The following HIVEP1 variants were observed in gnomAD, a reference collection of about 807,000 sequenced individuals.
HIVEP1 encodes the protein zinc finger protein 40.
HIVEP1 carries 36 observed loss-of-function variants against 180.0 expected under a neutral mutation model. The observed-to-expected ratio is 0.20, with a 90% CI of 0.15 to 0.26. HIVEP1 has a LOEUF of 0.26. Among genes scored for constraint, HIVEP1 ranks in the 10% least tolerant of loss-of-function variants. The probability of loss-of-function intolerance (pLI) is 1.00; values close to 1 mark genes in which losing one functional copy is unlikely to be tolerated. For missense variants in HIVEP1, 3,143 were observed against 3,268.7 expected, an observed-to-expected ratio of 0.96 and a Z score of 0.94; for synonymous variants, 1,239 against 1,239.0, an observed-to-expected ratio of 1.00 and a Z score of 0.00.
chr6:12,168,742 A>G (rs1760827102), downstream of HIVEP1, among the ~76,000 whole-genome samples: 1 of 152,100 alleles, frequency 6.6e-6, no homozygotes, highest in Non-Finnish European at 1.5e-5. Flanking sequence ...TATTCAATAC[A>G]TTATACGAGA....
At chr6:12,056,857 A>G (rs1202071801) in intron 2 of HIVEP1, among the ~76,000 whole-genome samples, 3 of 151,460 alleles carry the variant, frequency 2.0e-5, no homozygotes, top group Non-Finnish European at 4.4e-5. Flanking sequence ...TTTTTTTTCA[A>G]ACAGAATCTT....
chr6:12,175,639 A>G, the HIVEP1 span, among the ~76,000 whole-genome samples: 4 of 152,214 alleles, frequency 2.6e-5, no homozygotes, highest in African/African-American at 9.6e-5. Flanking sequence ...CTATGTTTAA[A>G]ATGTTTCCTA....
At chr6:12,011,838 C>G (rs1281605034), upstream of HIVEP1, among the ~76,000 whole-genome samples, 4 of 147,280 alleles carry the variant, frequency 2.7e-5, no homozygotes, top group Non-Finnish European at 6.1e-5. Context: ...CCCCTCGCCC[C>G]GGCCTCAACC....
intron 2 of HIVEP1, among the ~76,000 whole-genome samples, chr6:12,049,363 A>C (rs1377362856): frequency 6.6e-6 from 1 of 152,186 alleles, no homozygotes; most frequent in African/African-American, 2.4e-5. Context: ...TGAGTGGGTC[A>C]GCACCTGGAG....
rs753483969 is a variant in HIVEP1, at chr6:12,135,759, C to T, written c.6386-32C>T. The T allele has an allele frequency of 3.5e-6, 5 of 1,410,160 alleles. No homozygotes were observed. In the Admixed American group the frequency reaches 6.8e-5, roughly 19 times the overall value. The allele number at this position is 1,410,160 out of a possible 1,614,324, so 87.4% of individuals were successfully genotyped here. On this transcript the variant is annotated intron_variant, in intron 6 of 8. Transcript: ENST00000379388. ...CAAATGCAATAGCAAAATCATACTACTTAAGCTTAGTAAACATTCTTTTCC... is the reference window on the plus strand; with the variant it reads ...CAAATGCAATAGCAAAATCATACTATTTAAGCTTAGTAAACATTCTTTTCC...
chr6:12,083,349 T>G (rs1031761633), intron 2 of HIVEP1, among the ~76,000 whole-genome samples: 1 of 152,212 alleles, frequency 6.6e-6, no homozygotes, highest in African/African-American at 2.4e-5. Flanking sequence ...TTGTTTTGTA[T>G]ATAGAATTCC....
rs761358448 is a variant in HIVEP1 at position 12,164,491 on chromosome 6, T to A, written c.*30T>A. ...TTTTATTTTTTATTTGCTTTTTTTTTATATAACACTTAAAGGTTTCTTTGA... is the reference window on the plus strand; with the variant it reads ...TTTTATTTTTTATTTGCTTTTTTTTAATATAACACTTAAAGGTTTCTTTGA... On this transcript the variant is annotated 3_prime_UTR_variant, in exon 9 of 9. Transcript: ENST00000379388. The A allele has an allele frequency of 1.1e-4, 166 of 1,503,596 alleles. No homozygotes were observed. The highest frequency in any genetic ancestry group is 1.4e-4 in the African/African-American group (10 of 71,186). The allele number at this position is 1,503,596 out of a possible 1,614,324, so 93.1% of individuals were successfully genotyped here.
intron 2 of HIVEP1, among the ~76,000 whole-genome samples, chr6:12,065,589 C>A (rs568268778): frequency 6.6e-6 from 1 of 152,116 alleles, no homozygotes; most frequent in Non-Finnish European, 1.5e-5. Context: ...CCCTGACGGG[C>A]TCTGTGAATT....
intron 2 of HIVEP1, among the ~76,000 whole-genome samples, chr6:12,053,833 C>T (rs1203901085): frequency 6.6e-6 from 1 of 152,228 alleles, no homozygotes; most frequent in Non-Finnish European, 1.5e-5. Context: ...TGGCTTTCAG[C>T]CCTTTTCCAG....
Position 12,085,880 on chromosome 6 carries a change from T to C in HIVEP1, c.41-3304T>C, listed in dbSNP as rs536098921. The stretch of plus-strand genomic sequence containing the variant: ...CCAGAAACCCTAAAAGAAAGATTAT[T>C]ATTTCTTAACGGCTCTAGGACTTTT... On this transcript the variant is annotated intron_variant, in intron 2 of 8. Transcript: ENST00000379388. Among the ~76,000 whole-genome samples the C allele has an allele frequency of 5.3e-5, 8 of 152,310 alleles. No homozygotes were observed. The East Asian group carries it at 1.5e-3, about 29-fold the overall frequency.
chr6:12,184,074 G>T, the HIVEP1 span, among the ~76,000 whole-genome samples: 1 of 148,514 alleles, frequency 6.7e-6, no homozygotes, highest in African/African-American at 2.5e-5. Flanking sequence ...GATTTGGGGG[G>T]AAGTGGGAGC....
intron 7 of HIVEP1, among the ~76,000 whole-genome samples, chr6:12,140,054 C>T (rs1242029181): frequency 6.6e-6 from 1 of 152,318 alleles, no homozygotes; most frequent in South Asian, 2.1e-4. Context: ...CCCTGACCCC[C>T]GTGTAGCCTA....
chr6:12,075,590 C>CT (rs11299317), intron 2 of HIVEP1, among the ~76,000 whole-genome samples: 25,569 of 143,886 alleles, frequency 0.18, 2,294 homozygotes, highest in Middle Eastern at 0.29. Flanking sequence ...CAGATTGGGC[C>CT]TTTTTTTTTT....
intron 7 of HIVEP1, among the ~76,000 whole-genome samples, chr6:12,138,807 C>G (rs1758840914): frequency 6.6e-6 from 1 of 151,928 alleles, no homozygotes. Context: ...TGGTTCACCC[C>G]TTACCTCTAA....
chr6:12,057,275 G>A (rs1271426149), intron 2 of HIVEP1, among the ~76,000 whole-genome samples: 2 of 152,116 alleles, frequency 1.3e-5, no homozygotes, highest in Non-Finnish European at 2.9e-5. Flanking sequence ...AGTATTGCCT[G>A]TATTTTTATT....
chr6:12,069,713 A>G (rs1012034636), intron 2 of HIVEP1, among the ~76,000 whole-genome samples: 11 of 151,804 alleles, frequency 7.2e-5, no homozygotes, highest in Non-Finnish European at 1.6e-4. Flanking sequence ...CCTAAAACTT[A>G]AAGTATAATA....
At chr6:12,180,847 C>T in the HIVEP1 span, among the ~76,000 whole-genome samples, 2 of 152,106 alleles carry the variant, frequency 1.3e-5, no homozygotes, top group Non-Finnish European at 2.9e-5. Context: ...ATTGTAGGTG[C>T]TGCTTAATGC....
intron 7 of HIVEP1, among the ~76,000 whole-genome samples, chr6:12,149,432 A>G (rs1385748771): frequency 6.6e-6 from 1 of 152,164 alleles, no homozygotes; most frequent in Non-Finnish European, 1.5e-5. Flanking sequence ...CATAAACATA[A>G]TCATCACCAG....
At position 12,074,619 on chromosome 6, in the gene HIVEP1, AGT is replaced by A. The variant is rs113951055; in HGVS notation, c.41-14541_41-14540del. Among the ~76,000 whole-genome samples, 1,308 of 138,832 alleles carry A rather than the reference AGT, an allele frequency of 9.4e-3. 5 individuals are homozygous for A. Among genetic ancestry groups the A allele is most frequent in the African/African-American group, 0.018 (706 of 39,094 alleles). 91.1% of individuals were successfully genotyped at this position (138,832 alleles called of 152,430 possible). On this transcript the variant is annotated intron_variant, in intron 2 of 8. Coordinates refer to ENST00000379388, the MANE Select transcript of HIVEP1 (RefSeq NM_002114.4). ...GCTGCAGTCCTTAATTGTATGAAAA[AGT>A]GTGTGTGTGTGTGTGTGTGTGTGCG...
Sources: allele counts gnomAD v4.1 joint callset (sites outside exome capture counted in the v4.1 genomes callset), GRCh38; gene constraint gnomAD v4.1.1; transcripts MANE v1.5; gene names NCBI Gene and HGNC (gene_info 2026-07-23, HGNC 2026-07-21).